RIN3: variants seen among roughly 807,000 people sequenced by gnomAD.
RIN3 encodes the protein RAB5 interacting protein 3.
Under a neutral mutation model 76.3 loss-of-function variants are expected in RIN3, and 54 were observed. The ratio of observed to expected loss-of-function variants is 0.71; its 90% CI spans 0.57 to 0.89. The LOEUF (loss-of-function observed/expected upper bound fraction) is 0.89, where lower values mean the gene tolerates loss of function less well. RIN3 is among the 40% of genes least tolerant of loss of function. The pLI, the probability that RIN3 is intolerant of heterozygous loss-of-function variation, is 0.00. For synonymous variants in RIN3, 576 were observed against 564.0 expected, an observed-to-expected ratio of 1.02 and a Z score of -0.30; for missense variants, 1,256 against 1,322.1, an observed-to-expected ratio of 0.95 and a Z score of 0.78.
chr14:92,619,617 C>T (rs757060861), intron 4 of RIN3, among the ~76,000 whole-genome samples: 3 of 151,810 alleles, frequency 2.0e-5, no homozygotes, highest in Non-Finnish European at 4.4e-5. Context: ...TTAGTAGAGA[C>T]GGGGTTTCAT....
chr14:92,522,396 C>T (rs1216599237), intron 1 of RIN3, among the ~76,000 whole-genome samples: 2 of 152,132 alleles, frequency 1.3e-5, no homozygotes, highest in African/African-American at 4.8e-5. Context: ...CATACACAGA[C>T]ACACCCAAAA....
Position 92,681,826 on chromosome 14 carries a change from A to G in RIN3, c.2468-3161A>G, listed in dbSNP as rs924424284. On this transcript the variant is annotated intron_variant, in intron 8 of 9. Transcript: ENST00000216487. This position sits in a 1 kb window ranked among gnomAD's most constrained non-coding sequence, Gnocchi z 4.7. Reference sequence around the variant, plus strand: ...TAGTGGTTCTTCTCTTATTAGGGACACCAAGGCAACCTCTGTGGTAGCTTT... The same window carrying G: ...TAGTGGTTCTTCTCTTATTAGGGACGCCAAGGCAACCTCTGTGGTAGCTTT... Among the ~76,000 whole-genome samples the G allele has an allele frequency of 1.3e-5, 2 of 152,212 alleles. No individual in the cohort carries two copies. Among genetic ancestry groups the G allele is most frequent in the East Asian group, 1.9e-4 (1 of 5,202 alleles).
At chr14:92,621,655 A>G (rs904765291) in intron 4 of RIN3, among the ~76,000 whole-genome samples, 2 of 152,256 alleles carry the variant, frequency 1.3e-5, no homozygotes, top group East Asian at 3.8e-4. Context: ...TGTTCATAAA[A>G]GATTGTGAAA....
At chr14:92,575,460 G>A (rs968990157) in intron 2 of RIN3, among the ~76,000 whole-genome samples, 5 of 152,248 alleles carry the variant, frequency 3.3e-5, no homozygotes, top group African/African-American at 9.6e-5. Flanking sequence ...CTGGTACACT[G>A]TCTCATACTC....
At chr14:92,675,690 T>C (rs1044375227) in intron 7 of RIN3, among the ~76,000 whole-genome samples, 1 of 152,246 alleles carries the variant, frequency 6.6e-6, no homozygotes, top group South Asian at 2.1e-4. Context: ...AGGAAGATTC[T>C]ATTCTGGTCA....
chr14:92,663,416 G>T (rs1322161763), intron 7 of RIN3, among the ~76,000 whole-genome samples: 1 of 152,224 alleles, frequency 6.6e-6, no homozygotes, highest in Non-Finnish European at 1.5e-5. Flanking sequence ...CCAGGTGCTT[G>T]CTGCTTTCTA....
rs76658754 is a variant in RIN3, at chr14:92,606,001, C to A, written c.368-9406C>A. Among the ~76,000 whole-genome samples, 1,196 of 152,042 alleles carry A rather than the reference C, an allele frequency of 7.9e-3. 7 individuals carry two copies. The highest frequency in any genetic ancestry group is 0.022 in the Admixed American group (338 of 15,262). On this transcript the variant is annotated intron_variant, in intron 3 of 9. Transcript: ENST00000216487. ...TTTATTCTTAAATATTGGAAAGACCCTATTAAGAGGATGAAAAGACAAGGT... is the reference window on the plus strand; with the variant it reads ...TTTATTCTTAAATATTGGAAAGACCATATTAAGAGGATGAAAAGACAAGGT...
At position 92,555,786 on chromosome 14, in the gene RIN3, A is replaced by T; in HGVS notation, c.80A>T (p.Glu27Val). ...VPVVGKGEEE[E>V]EEDGMRLCLP... ...GTTGTTGGCAAAGGAGAGGAAGAGG[A>T]AGAGGAAGATGGCATGCGGCTTTGT... Residue 27 changes from glutamate to valine, a missense_variant, in exon 2 of 10, where the codon GAA (glutamate) becomes GTA (valine). Glu to Val is a moderately radical substitution (Grantham distance 121). This residue lies in a region of RIN3 where 610 missense variants were observed against 626.4 expected (regional missense o/e 0.97). Transcript: ENST00000216487. 1 of 1,614,148 alleles carries T rather than the reference A, an allele frequency of 6.2e-7. No homozygotes were observed. Among genetic ancestry groups the T allele is most frequent in the Non-Finnish European group, 8.5e-7 (1 of 1,180,024 alleles).
intron 2 of RIN3, 68 bp from the exon 3 acceptor site, chr14:92,577,292 G>T: frequency 9.5e-7 from 1 of 1,057,400 alleles, no homozygotes; most frequent in South Asian, 1.3e-5. Flanking sequence ...CTTCCATCTC[G>T]TGGTTGTCCT....
intron 1 of RIN3, among the ~76,000 whole-genome samples, chr14:92,537,421 C>G (rs1897024445): frequency 2.0e-5 from 3 of 152,138 alleles, no homozygotes; most frequent in African/African-American, 7.2e-5. Context: ...AGTCTTTTCT[C>G]CATTACAGAC....
In RIN3 at chr14:92,554,066, G is replaced by A. The variant is rs571473161; in HGVS notation, c.45-1685G>A. On this transcript the variant is annotated intron_variant, in intron 1 of 9. Transcript: ENST00000216487. Reference sequence around the variant, plus strand: ...CCTGGGCAACATCACAGAGACACAGGGCAAGATGGAAGGCACCATCCACAG... The same window carrying A: ...CCTGGGCAACATCACAGAGACACAGAGCAAGATGGAAGGCACCATCCACAG... Among the ~76,000 whole-genome samples, 4 of 152,234 alleles carry A rather than the reference G, an allele frequency of 2.6e-5. No homozygotes were observed. In the South Asian group the frequency reaches 8.3e-4, roughly 32 times the overall value.
chr14:92,668,173 G>A (rs1361943869), intron 7 of RIN3, among the ~76,000 whole-genome samples: 3 of 152,214 alleles, frequency 2.0e-5, no homozygotes, highest in Non-Finnish European at 2.9e-5. Context: ...GTGAAGTTAA[G>A]TAGCACGCTT....
chr14:92,561,042 A>ATATAT lies in RIN3; in HGVS notation c.249+5087_249+5088insTATAT, dbSNP rs1461986249. On this transcript the variant is annotated intron_variant, in intron 2 of 9. Coordinates refer to ENST00000216487, the MANE Select transcript of RIN3 (RefSeq NM_024832.5). ...GTCTAAAAAAAAAAAAAAAAAAAAA[A>ATATAT]AAATATATATATATCTGCCATATAT... Among the ~76,000 whole-genome samples the ATATAT allele has an allele frequency of 7.5e-3, 146 of 19,354 alleles. 10 individuals are homozygous for ATATAT. Among genetic ancestry groups the ATATAT allele is most frequent in the African/African-American group, 0.022 (131 of 5,974 alleles). The allele number at this position is 19,354 out of a possible 152,430, so 12.7% of individuals were successfully genotyped here.
chr14:92,581,728 T>C (rs1298003302), intron 3 of RIN3, among the ~76,000 whole-genome samples: 4 of 152,040 alleles, frequency 2.6e-5, no homozygotes, highest in Admixed American at 6.5e-5. Flanking sequence ...TAGGCACCAA[T>C]GAAAAACCAG....
At chr14:92,529,157 A>G (rs542592817) in intron 1 of RIN3, among the ~76,000 whole-genome samples, 49 of 152,304 alleles carry the variant, frequency 3.2e-4, no homozygotes, top group African/African-American at 1.1e-3. Flanking sequence ...ACAAAGGGAT[A>G]CTTACAGTCA....
chr14:92,594,432 CAAAAA>C (rs35874661), intron 3 of RIN3, among the ~76,000 whole-genome samples: 3 of 130,554 alleles, frequency 2.3e-5, no homozygotes, highest in Non-Finnish European at 3.3e-5. Context: ...AACTCTGTCT[CAAAAA>C]AAAAAAAAAA....
chr14:92,515,381 G>T, intron 1 of RIN3: 1 of 584,792 alleles, frequency 1.7e-6, no homozygotes, highest in South Asian at 2.0e-5. Flanking sequence ...GGCCTCACCG[G>T]CTTCTCATTT....
intron 5 of RIN3, among the ~76,000 whole-genome samples, chr14:92,646,327 C>T (rs1473633223): frequency 6.6e-6 from 1 of 152,248 alleles, no homozygotes; most frequent in African/African-American, 2.4e-5. Flanking sequence ...TTGGGATAGG[C>T]AGGGTAGTGG....
chr14:92,683,973 C>G (rs1184500522), intron 8 of RIN3, among the ~76,000 whole-genome samples: 2 of 152,176 alleles, frequency 1.3e-5, no homozygotes, highest in Admixed American at 1.3e-4. Flanking sequence ...TGCATTTAAT[C>G]CACCTAACCT....
Sources: gnomAD v4.1 joint callset for allele counts (sites outside exome capture counted in the v4.1 genomes callset) on GRCh38, gnomAD v4.1.1 for gene constraint, gnomAD v4.1.1 regional missense constraint, Gnocchi (gnomAD v3.1) non-coding constraint, MANE v1.5 for transcripts, NCBI Gene and HGNC (gene_info 2026-07-23, HGNC 2026-07-21) for gene names.